SGK3: variants seen among roughly 807,000 people sequenced by gnomAD.
The protein encoded by SGK3 is serine/threonine-protein kinase Sgk3.
In SGK3, 47 loss-of-function variants were observed where a neutral mutation model predicts 68.5. The ratio of observed to expected loss-of-function variants is 0.69; its 90% confidence interval spans 0.54 to 0.87. The LOEUF (loss-of-function observed/expected upper bound fraction) is 0.87, where lower values mean the gene tolerates loss of function less well. Ranked by LOEUF, SGK3 falls within the 40% of genes least tolerant of loss-of-function variation. The pLI, the probability that SGK3 is intolerant of heterozygous loss-of-function variation, is 0.00. For missense variants in SGK3, 479 were observed against 575.5 expected, an observed-to-expected ratio of 0.83 and a Z score of 1.72; for synonymous variants, 181 against 189.1, an observed-to-expected ratio of 0.96 and a Z score of 0.35.
intron 1 of SGK3, among the ~76,000 whole-genome samples, chr8:66,738,176 G>A (rs567001240): frequency 6.6e-6 from 1 of 151,620 alleles, no homozygotes; most frequent in South Asian, 2.1e-4. Context: ...CTCCTTTACT[G>A]CCTGTATTTC....
chr8:66,852,117 A>C (rs1255626211), intron 16 of SGK3, among the ~76,000 whole-genome samples: 1 of 152,132 alleles, frequency 6.6e-6, no homozygotes, highest in Non-Finnish European at 1.5e-5. Context: ...ACATGAAAAC[A>C]TGGTAATTAC....
chr8:66,793,054 A>AT (rs1483270286), intron 1 of SGK3, among the ~76,000 whole-genome samples: 3 of 152,186 alleles, frequency 2.0e-5, no homozygotes, highest in Admixed American at 6.5e-5. Context: ...TTTTGTAGGA[A>AT]GATCTACTGT....
Position 66,726,824 on chromosome 8 carries a change from G to A in SGK3, c.-122+13991G>A, listed in dbSNP as rs199935974. ...TGTAAAAAAAAAAAAAAAAAAAAAA[G>A]ATTTAAAAGCTGATTGTGTTAAATC... On this transcript the variant is annotated intron_variant, in intron 1 of 16. Coordinates refer to ENST00000521198, the MANE Select transcript of SGK3 (RefSeq NM_001033578.3). Among the ~76,000 whole-genome samples the A allele has an allele frequency of 9.8e-3, 1,104 of 112,618 alleles. 2 individuals carry two copies. Among genetic ancestry groups the A allele is most frequent in the African/African-American group, 0.034 (806 of 23,534 alleles). The allele number at this position is 112,618 out of a possible 152,430, so 73.9% of individuals were successfully genotyped here. A position where few individuals can be genotyped will look rare whatever the true frequency, so the allele number is the denominator to read the frequency against.
At chr8:66,840,621 A>T (rs1446744618) in intron 12 of SGK3, 1 of 210,464 alleles carries the variant, frequency 4.8e-6, no homozygotes, top group Non-Finnish European at 9.4e-6. Flanking sequence ...TTGCAATTTC[A>T]TATGGATCTA....
chr8:66,821,505 G>C (rs1416359304), intron 5 of SGK3, among the ~76,000 whole-genome samples: 3 of 151,218 alleles, frequency 2.0e-5, no homozygotes, highest in Admixed American at 6.6e-5. Flanking sequence ...CCTTTCACTG[G>C]ACCTGCACAT....
chr8:66,772,835 A>G (rs971773998), intron 1 of SGK3, among the ~76,000 whole-genome samples: 1 of 151,860 alleles, frequency 6.6e-6, no homozygotes, highest in African/African-American at 2.4e-5. Flanking sequence ...GCTGGTCTCA[A>G]ACTCCACTCT....
chr8:66,735,569 CTAA>C (rs1171502416), intron 1 of SGK3, among the ~76,000 whole-genome samples: 2 of 152,140 alleles, frequency 1.3e-5, no homozygotes, highest in Non-Finnish European at 2.9e-5. Context: ...GCATTTGCCC[CTAA>C]GCCTTTCTAG....
chr8:66,766,741 ATTG>A (rs1422204741), intron 1 of SGK3, among the ~76,000 whole-genome samples: 3 of 152,160 alleles, frequency 2.0e-5, no homozygotes, highest in Non-Finnish European at 4.4e-5. Flanking sequence ...AACATTTAGA[ATTG>A]TTGTGTCCTC....
At chr8:66,809,664 G>A (rs1166778148) in intron 4 of SGK3, among the ~76,000 whole-genome samples, 1 of 152,164 alleles carries the variant, frequency 6.6e-6, no homozygotes, top group Non-Finnish European at 1.5e-5. Context: ...TAATTTATTT[G>A]TACCAAAGAG....
intron 1 of SGK3, among the ~76,000 whole-genome samples, chr8:66,765,929 G>A (rs572094591): frequency 6.6e-6 from 1 of 152,012 alleles, no homozygotes; most frequent in African/African-American, 2.4e-5. Context: ...GGAGGCTGAG[G>A]CAGGAGAATG....
chr8:66,798,934 T>C (rs1807813987), intron 3 of SGK3, among the ~76,000 whole-genome samples: 1 of 152,242 alleles, frequency 6.6e-6, no homozygotes, highest in South Asian at 2.1e-4. Context: ...TTAATCATCA[T>C]GGTATTTCTG....
At chr8:66,767,972 C>T (rs1183207873) in intron 1 of SGK3, 3 of 854,642 alleles carry the variant, frequency 3.5e-6, no homozygotes, top group Non-Finnish European at 6.1e-6. Flanking sequence ...CCTGGTTCTT[C>T]GTTTTCCTTA....
At chr8:66,829,784 T>TA (rs1449435733) in intron 7 of SGK3, among the ~76,000 whole-genome samples, 1 of 152,076 alleles carries the variant, frequency 6.6e-6, no homozygotes, top group African/African-American at 2.4e-5. Context: ...AGCAAATAAA[T>TA]ACGATGCTAA....
intron 14 of SGK3, 102 bp from the exon 15 acceptor site, chr8:66,847,091 C>T: frequency 3.3e-6 from 5 of 1,502,904 alleles, no homozygotes; most frequent in Non-Finnish European, 3.5e-6. Context: ...GAGGTCCATA[C>T]ATTTTTTCAA....
chr8:66,749,310 G>A (rs902641863), intron 1 of SGK3, among the ~76,000 whole-genome samples: 5 of 152,020 alleles, frequency 3.3e-5, no homozygotes, highest in Non-Finnish European at 4.4e-5. Context: ...CCCGGAGTTC[G>A]AGACCAGCCT....
intron 1 of SGK3, among the ~76,000 whole-genome samples, chr8:66,725,522 A>G (rs1284367046): frequency 1.3e-5 from 2 of 151,862 alleles, no homozygotes; most frequent in African/African-American, 4.8e-5. Context: ...TATGTAACCC[A>G]TTGTTAAAAT....
intron 16 of SGK3, among the ~76,000 whole-genome samples, chr8:66,855,001 C>A (rs1422463950): frequency 1.3e-5 from 2 of 152,170 alleles, no homozygotes; most frequent in South Asian, 4.2e-4. Flanking sequence ...ACAACAACAA[C>A]AAAAAGTGAA....
At chr8:66,716,667 A>C (rs1563591829) in intron 1 of SGK3, among the ~76,000 whole-genome samples, 1 of 152,228 alleles carries the variant, frequency 6.6e-6, no homozygotes, top group East Asian at 1.9e-4. Flanking sequence ...TGTGTGAAGT[A>C]AGTGATGTTA....
intron 1 of SGK3, among the ~76,000 whole-genome samples, chr8:66,778,485 A>T (rs1046083532): frequency 1.3e-5 from 2 of 152,104 alleles, no homozygotes; most frequent in Non-Finnish European, 2.9e-5. Context: ...TTTAGTAGAG[A>T]CGGGGTTTCA....
Sources: gnomAD v4.1 joint callset for allele counts (sites outside exome capture counted in the v4.1 genomes callset) on GRCh38, gnomAD v4.1.1 for gene constraint, MANE v1.5 for transcripts, NCBI Gene and HGNC (gene_info 2026-07-23, HGNC 2026-07-21) for gene names.